The following LGR5 variants were observed in gnomAD, a reference collection of about 807,000 sequenced individuals.
The protein encoded by LGR5 is leucine rich repeat containing G protein-coupled receptor 5, also known as leucine-rich repeat-containing G protein-coupled receptor 5.
Under a neutral mutation model 76.7 loss-of-function variants are expected in LGR5, and 54 were observed. That is an observed-to-expected ratio of 0.70 (90% CI 0.57 to 0.88). The LOEUF (loss-of-function observed/expected upper bound fraction) is 0.88, where lower values mean the gene tolerates loss of function less well. Ranked by LOEUF, LGR5 falls within the 40% of genes least tolerant of loss-of-function variation. The pLI is 0.00. For missense variants in LGR5, 1,078 were observed against 1,073.3 expected (o/e 1.00, Z -0.06); for synonymous variants, 406 against 421.9 (o/e 0.96, Z 0.46).
rs565430448 is a variant in LGR5 at position 71,545,652 on chromosome 12, A to T, written c.429-7421A>T. 2.6e-5 allele frequency among the ~76,000 whole-genome samples: 4 copies of T among 152,104 alleles called. No homozygotes were observed. In the East Asian group the frequency reaches 7.7e-4, roughly 29 times the overall value. Reference sequence around the variant, plus strand: ...TGACATTATTACAGTCATCTCAGATATGGAATTAACCAAGATCAATGGCTT... The same window carrying T: ...TGACATTATTACAGTCATCTCAGATTTGGAATTAACCAAGATCAATGGCTT... On this transcript the variant is annotated intron_variant, in intron 4 of 17. Transcript: ENST00000266674.
chr12:71,488,377 G>T (rs2137274240), intron 1 of LGR5, among the ~76,000 whole-genome samples: 2 of 152,292 alleles, frequency 1.3e-5, no homozygotes, highest in South Asian at 4.1e-4. Flanking sequence ...TTAGTTGAGA[G>T]ACATGACCTA....
Position 71,584,888 on chromosome 12 carries a change from C to A in LGR5, c.*154C>A, listed in dbSNP as rs2137488715. On this transcript the variant is annotated 3_prime_UTR_variant, in exon 18 of 18. Coordinates refer to ENST00000266674, the MANE Select transcript of LGR5 (RefSeq NM_003667.4). ...GTTAGTAAGAAAAGGCTGAAAACCT[C>A]TTGATACTTGAGAGTGAATATAAGT... The A allele has an allele frequency of 1.4e-6, 1 of 694,598 alleles. No individual in the cohort carries two copies. Among genetic ancestry groups the A allele is most frequent in the East Asian group, 2.7e-5 (1 of 37,644 alleles). The allele number at this position is 694,598 out of a possible 1,614,324, so 43.0% of individuals were successfully genotyped here.
chr12:71,488,067 CTG>C (rs1247751681), intron 1 of LGR5, among the ~76,000 whole-genome samples: 1 of 152,134 alleles, frequency 6.6e-6, no homozygotes, highest in Non-Finnish European at 1.5e-5. Flanking sequence ...TTAATATTAA[CTG>C]TGTTTTTTCC....
At chr12:71,441,452 G>A (rs898361487) in intron 1 of LGR5, 1 of 152,208 alleles carries the variant, frequency 6.6e-6, no homozygotes, top group African/African-American at 2.4e-5. Flanking sequence ...CCCAGTTTTC[G>A]GCTTCTCTGA....
chr12:71,550,350 C>T lies in LGR5; in HGVS notation c.429-2723C>T, dbSNP rs147952410. Among the ~76,000 whole-genome samples the T allele has an allele frequency of 2.6e-5, 4 of 151,492 alleles. No homozygotes were observed. The East Asian group carries it at 7.8e-4, about 29-fold the overall frequency. On this transcript the variant is annotated intron_variant, in intron 4 of 17. Transcript: ENST00000266674. ...ATTTTTGGTAGAGATGGGGTTTCAC[C>T]GTGTTGGCTGGGCTGGTCTTGATCT...
At chr12:71,532,879 A>G (rs975816740) in intron 3 of LGR5, among the ~76,000 whole-genome samples, 2 of 151,960 alleles carry the variant, frequency 1.3e-5, no homozygotes, top group Non-Finnish European at 2.9e-5. Flanking sequence ...CACTTCCCCA[A>G]GTGAAAATAT....
At chr12:71,519,644 A>C (rs1875628726) in intron 2 of LGR5, among the ~76,000 whole-genome samples, 1 of 124,528 alleles carries the variant, frequency 8.0e-6, no homozygotes. Flanking sequence ...ACCAAAAAAA[A>C]CAAAAAACAA....
intron 1 of LGR5, among the ~76,000 whole-genome samples, chr12:71,495,871 A>G (rs1874291279): frequency 6.6e-6 from 1 of 151,684 alleles, no homozygotes; most frequent in African/African-American, 2.4e-5. Flanking sequence ...TTATCAGTGT[A>G]TAGTTTCACT....
rs149694512 is a variant in LGR5, at chr12:71,549,601, T to C, written c.429-3472T>C. On this transcript the variant is annotated intron_variant, in intron 4 of 17. Coordinates refer to ENST00000266674, the MANE Select transcript of LGR5 (RefSeq NM_003667.4). ...TTTGTCAATTATTCCTTAACAAAGC[T>C]GGAGGAGGAAATTAAATCAGATAAT... Among the ~76,000 whole-genome samples the C allele has an allele frequency of 3.3e-4, 50 of 152,238 alleles. 1 individual carries two copies. Among genetic ancestry groups the C allele is most frequent in the African/African-American group, 1.2e-3 (48 of 41,548 alleles).
At position 71,584,681 on chromosome 12, in the gene LGR5, C is replaced by T. The variant is rs1034744739; in HGVS notation, c.2671C>T (p.Pro891Ser). ...CAGTTCCGTGCCATCACCAGCTTAT[C>T]CAGTGACTGAGAGCTGCCATCTTTC... ...PPSSVPSPAYPVTESCHLSSV... is the reference protein window; with the variant it reads ...PPSSVPSPAYSVTESCHLSSV... Residue 891 changes from proline to serine, a missense_variant, in exon 18 of 18, where the codon CCA (proline) becomes TCA (serine). By Grantham distance (74) the Pro-to-Ser change is moderately conservative. Coordinates refer to ENST00000266674, the MANE Select transcript of LGR5 (RefSeq NM_003667.4). 6.2e-7 allele frequency: 1 copy of T among 1,613,854 alleles called. No individual in the cohort carries two copies. The highest frequency in any genetic ancestry group is 1.1e-5 in the South Asian group (1 of 91,074).
chr12:71,488,332 A>G (rs1285755404), intron 1 of LGR5, among the ~76,000 whole-genome samples: 1 of 152,214 alleles, frequency 6.6e-6, no homozygotes, highest in Non-Finnish European at 1.5e-5. Context: ...AGTCACCTAT[A>G]GGTTGACAAG....
At chr12:71,489,950 G>C (rs748127061) in intron 1 of LGR5, among the ~76,000 whole-genome samples, 1 of 151,976 alleles carries the variant, frequency 6.6e-6, no homozygotes, top group Non-Finnish European at 1.5e-5. Context: ...TGGAATGGTC[G>C]TCATCCTCCC....
At chr12:71,562,306 T>A (rs1041821728) in intron 8 of LGR5, among the ~76,000 whole-genome samples, 10 of 152,226 alleles carry the variant, frequency 6.6e-5, no homozygotes, top group African/African-American at 2.2e-4. Flanking sequence ...TAAGCCTCTA[T>A]CTCCATTCAT....
Position 71,566,866 on chromosome 12 carries a change from T to C in LGR5, c.1024T>C (p.Ser342Pro), listed in dbSNP as rs1878373824. Residue 342 changes from serine to proline, a missense_variant, in exon 11 of 18, where the codon TCT becomes CCT. Transcript: ENST00000266674. The stretch of plus-strand genomic sequence containing the variant: ...GACTTTAACTGGAGCACAGATCTCA[T>C]CTCTTCCTCAAACCGTCTGCAATCA... Reference protein sequence around the residue: ...SLTLTGAQISSLPQTVCNQLP... With the variant: ...SLTLTGAQISPLPQTVCNQLP... 9 of 1,613,850 alleles carry C rather than the reference T, an allele frequency of 5.6e-6. No homozygotes were observed. Among genetic ancestry groups the C allele is most frequent in the Non-Finnish European group, 7.6e-6 (9 of 1,179,742 alleles).
chr12:71,524,838 T>C (rs1875908798), intron 3 of LGR5, among the ~76,000 whole-genome samples: 1 of 152,130 alleles, frequency 6.6e-6, no homozygotes, highest in Non-Finnish European at 1.5e-5. Context: ...GATGCTGACA[T>C]AATGAGACCA....
At chr12:71,520,466 A>G (rs1287696513) in intron 2 of LGR5, among the ~76,000 whole-genome samples, 3 of 152,134 alleles carry the variant, frequency 2.0e-5, no homozygotes, top group African/African-American at 4.8e-5. Flanking sequence ...AAATTTGGGT[A>G]TAGATAGTGG....
intron 5 of LGR5, among the ~76,000 whole-genome samples, chr12:71,554,125 A>G (rs562244966): frequency 2.0e-5 from 3 of 152,196 alleles, no homozygotes; most frequent in Non-Finnish European, 4.4e-5. Context: ...AGCCAGCTCA[A>G]TGGAAGACTA....
chr12:71,518,913 C>G (rs756178536), intron 2 of LGR5, among the ~76,000 whole-genome samples: 64 of 152,146 alleles, frequency 4.2e-4, no homozygotes, highest in Non-Finnish European at 6.9e-4. Flanking sequence ...ATGAAATAAT[C>G]TGTACAACAA....
At chr12:71,518,721 C>T (rs1875570614) in intron 2 of LGR5, among the ~76,000 whole-genome samples, 1 of 152,120 alleles carries the variant, frequency 6.6e-6, no homozygotes, top group Non-Finnish European at 1.5e-5. Flanking sequence ...AGGCCATTAT[C>T]CTCAGTGAAC....
Sources: gnomAD v4.1 joint callset for allele counts (sites outside exome capture counted in the v4.1 genomes callset) on GRCh38, gnomAD v4.1.1 for gene constraint, MANE v1.5 for transcripts, NCBI Gene and HGNC (gene_info 2026-07-23, HGNC 2026-07-21) for gene names.